The following DNAH12 variants were observed in gnomAD, a reference collection of about 807,000 sequenced individuals.
The protein encoded by DNAH12 is axonemal beta dynein heavy chain 12.
Under a neutral mutation model 371.5 loss-of-function variants are expected in DNAH12, and 285 were observed. The observed-to-expected ratio is 0.77, with a 90% CI of 0.70 to 0.85. DNAH12 has a LOEUF of 0.85. Among genes scored for constraint, DNAH12 ranks in the 40% least tolerant of loss-of-function variants. The pLI is 0.00. For missense variants in DNAH12, 3,611 were observed against 3,689.4 expected (o/e 0.98, Z 0.55); for synonymous variants, 1,200 against 1,213.0 (o/e 0.99, Z 0.22).
intron 67 of DNAH12, among the ~76,000 whole-genome samples, 168 bp downstream of exon 67, chr3:57,310,549 G>A (rs1330227144): frequency 6.6e-6 from 1 of 151,894 alleles, no homozygotes; most frequent in Admixed American, 6.6e-5. Flanking sequence ...ATCAAATAAT[G>A]GAATACTCAA....
chr3:57,414,030 T>C (rs1286635819), intron 38 of DNAH12, 118 bp from the exon 39 acceptor site: 2 of 961,300 alleles, frequency 2.1e-6, no homozygotes, highest in East Asian at 2.8e-5. Flanking sequence ...CCATGGGATT[T>C]TTACCAGTAA....
intron 38 of DNAH12, among the ~76,000 whole-genome samples, chr3:57,414,745 A>C (rs75918592): frequency 1.1e-5 from 1 of 90,536 alleles, no homozygotes; most frequent in Non-Finnish European, 2.5e-5. Context: ...TTGGAAAAAT[A>C]AACCAAAATT....
intron 37 of DNAH12, among the ~76,000 whole-genome samples, chr3:57,417,435 T>C (rs896752715): frequency 1.3e-5 from 2 of 152,224 alleles, no homozygotes; most frequent in African/African-American, 4.8e-5. Flanking sequence ...AGAATTCATC[T>C]ACATGTTCCA....
intron 65 of DNAH12, among the ~76,000 whole-genome samples, 200 bp downstream of exon 65, chr3:57,322,141 CTA>C (rs1253631473): frequency 1.3e-5 from 2 of 152,248 alleles, no homozygotes; most frequent in Non-Finnish European, 2.9e-5. Context: ...ATTTCGATGT[CTA>C]CTGTGTGGGA....
intron 60 of DNAH12, among the ~76,000 whole-genome samples, chr3:57,341,692 G>T (rs2062403259): frequency 6.6e-6 from 1 of 151,664 alleles, no homozygotes; most frequent in African/African-American, 2.4e-5. Flanking sequence ...ACTACCCAAG[G>T]TGATCAAAAG....
intron 62 of DNAH12, among the ~76,000 whole-genome samples, chr3:57,325,685 C>G (rs906154663): frequency 6.6e-6 from 1 of 152,226 alleles, no homozygotes; most frequent in Non-Finnish European, 1.5e-5. Flanking sequence ...CAAAGGATCA[C>G]AGTTCCTCAC....
At position 57,523,784 on chromosome 3, in the gene DNAH12, C is replaced by T. The variant is rs377027332; in HGVS notation, c.252+19G>A. 438 of 1,577,964 alleles carry T rather than the reference C, an allele frequency of 2.8e-4. No individual in the cohort carries two copies. Among genetic ancestry groups the T allele is most frequent in the African/African-American group, 1.7e-3 (126 of 73,560 alleles). On this transcript the variant is annotated intron_variant, in intron 3 of 73. Coordinates refer to ENST00000495027, the MANE Select transcript of DNAH12 (RefSeq NM_001366028.2). Reference sequence around the variant, plus strand: ...AATGATATAAGGATAAACTTTTTAACGAGAAAACATAAACTTACAGTTTGA... The same window carrying T: ...AATGATATAAGGATAAACTTTTTAATGAGAAAACATAAACTTACAGTTTGA...
chr3:57,373,305 T>A (rs1221786854), intron 55 of DNAH12, among the ~76,000 whole-genome samples: 1 of 129,628 alleles, frequency 7.7e-6, no homozygotes, highest in Non-Finnish European at 1.6e-5. Flanking sequence ...AGTTAATCTA[T>A]ATTACTCAAC....
At chr3:57,401,141 A>G (rs1197743056) in intron 43 of DNAH12, among the ~76,000 whole-genome samples, 2 of 152,204 alleles carry the variant, frequency 1.3e-5, no homozygotes, top group Non-Finnish European at 2.9e-5. Context: ...AAGAAATCAC[A>G]AGGGAAATTA....
intron 30 of DNAH12, among the ~76,000 whole-genome samples, chr3:57,434,542 C>T (rs1225107545): frequency 2.0e-5 from 3 of 152,052 alleles, no homozygotes; most frequent in African/African-American, 7.2e-5. Flanking sequence ...CTAGCCCATC[C>T]TTAATAACAG....
chr3:57,326,868 T>G (rs1471900537), intron 62 of DNAH12, among the ~76,000 whole-genome samples: 1 of 152,184 alleles, frequency 6.6e-6, no homozygotes, highest in Non-Finnish European at 1.5e-5. Context: ...GAGGAAGATC[T>G]GCCAAGCAAA....
Position 57,504,208 on chromosome 3 carries a change from C to A in DNAH12, c.898-4G>T, listed in dbSNP as rs766605177. 5 of 1,599,320 alleles carry A rather than the reference C, an allele frequency of 3.1e-6. No individual in the cohort carries two copies. The Admixed American group carries it at 8.5e-5, about 27-fold the overall frequency. On this transcript the variant is annotated splice_region_variant and splice_polypyrimidine_tract_variant and intron_variant, in intron 8 of 73. Transcript: ENST00000495027. ...TTCTCCTTAATAGATCCTTTAGCTG[C>A]GTGATATAAATCACTGTTACTTTAG...
rs937154275 is a variant in DNAH12, at chr3:57,364,809, C to T, written c.9168-1023G>A. 1.2e-3 allele frequency among the ~76,000 whole-genome samples: 176 copies of T among 152,028 alleles called. 2 individuals are homozygous for T. The highest frequency in any genetic ancestry group is 0.012 in the Admixed American group (176 of 15,244). The stretch of plus-strand genomic sequence containing the variant: ...ACCCCATTAAAAAATGGGCAAAGGA[C>T]ATAAGGACACTTCTCAAAAGAAGAT... On this transcript the variant is annotated intron_variant, in intron 57 of 73. Coordinates refer to ENST00000495027, the MANE Select transcript of DNAH12 (RefSeq NM_001366028.2).
At chr3:57,497,157 T>C (rs1158941851) in intron 11 of DNAH12, among the ~76,000 whole-genome samples, 1 of 152,214 alleles carries the variant, frequency 6.6e-6, no homozygotes, top group Non-Finnish European at 1.5e-5. Flanking sequence ...TATTTCAAGA[T>C]GGCAGTTCTT....
rs981905804 is a variant in DNAH12, at chr3:57,356,383, C to T, written c.9533+793G>A. Among the ~76,000 whole-genome samples the T allele has an allele frequency of 7.9e-5, 12 of 151,736 alleles. No homozygotes were observed. In the South Asian group the frequency reaches 1.7e-3, roughly 21 times the overall value. Reference sequence around the variant, plus strand: ...ACCTGAGCCTGGGAGGTTGAGGCTGCAGTGAGCTGTGATTGTGCCACTGCA... The same window carrying T: ...ACCTGAGCCTGGGAGGTTGAGGCTGTAGTGAGCTGTGATTGTGCCACTGCA... On this transcript the variant is annotated intron_variant, in intron 59 of 73. Transcript: ENST00000495027.
intron 5 of DNAH12, among the ~76,000 whole-genome samples, chr3:57,510,201 T>G (rs1421574101): frequency 6.6e-6 from 1 of 152,030 alleles, no homozygotes; most frequent in Non-Finnish European, 1.5e-5. Context: ...ATAAATAGTA[T>G]AGCTAAAATC....
chr3:57,302,008 A>C, intron 69 of DNAH12, 69 bp from the exon 70 acceptor site: 2 of 1,458,514 alleles, frequency 1.4e-6, no homozygotes, highest in Non-Finnish European at 1.9e-6. Context: ...CAGAAGAAGA[A>C]CAGCAGGAAT....
In DNAH12 at chr3:57,457,595, A is replaced by G. The variant is rs2065936516; in HGVS notation, c.3336+126T>C. The G allele has an allele frequency of 1.2e-5, 13 of 1,068,624 alleles. 1 individual carries two copies. In the South Asian group the frequency reaches 2.4e-4, roughly 20 times the overall value. The allele number at this position is 1,068,624 out of a possible 1,614,324, so 66.2% of individuals were successfully genotyped here. On this transcript the variant is annotated intron_variant, in intron 22 of 73. Transcript: ENST00000495027. The stretch of plus-strand genomic sequence containing the variant: ...TGTTATATTAATAATGTTAGAAACA[A>G]AGAAGTAAAGAAAATAAATGATTTA...
At chr3:57,421,449 C>T in intron 36 of DNAH12, 69 bp downstream of exon 36, 2 of 1,478,366 alleles carry the variant, frequency 1.4e-6, no homozygotes, top group Non-Finnish European at 1.8e-6. Flanking sequence ...GGATGAAAAC[C>T]CAGGAGCTTT....
Sources: allele counts gnomAD v4.1 joint callset (sites outside exome capture counted in the v4.1 genomes callset), GRCh38; gene constraint gnomAD v4.1.1; transcripts MANE v1.5; gene names NCBI Gene and HGNC (gene_info 2026-07-23, HGNC 2026-07-21).